Variants in PRPS2 observed in about 807,000 individuals in gnomAD.
PRPS2 encodes ribose-phosphate pyrophosphokinase 2.
For synonymous variants in PRPS2, 111 were observed against 115.3 expected (o/e 0.96, Z 0.24); for missense variants, 104 against 271.5 (o/e 0.38, Z 4.34).
rs1051535195 is a variant in PRPS2, at chrX:12,797,296, C to T, written c.123-1911C>T. Among the ~76,000 whole-genome samples, 4 of 108,814 alleles carry T rather than the reference C, an allele frequency of 3.7e-5. No individual in the cohort carries two copies. The Admixed American group carries it at 3.9e-4, about 11-fold the overall frequency. The allele number at this position is 108,814 out of a possible 115,157, so 94.5% of individuals were successfully genotyped here. ...TCACTTGAACCTGGGTGGCAGAGGTCGGAGTGAGCTGAGATGTCACCACTG... is the reference window on the plus strand; with the variant it reads ...TCACTTGAACCTGGGTGGCAGAGGTTGGAGTGAGCTGAGATGTCACCACTG... On this transcript the variant is annotated intron_variant, in intron 1 of 6. Coordinates refer to ENST00000380668, the MANE Select transcript of PRPS2 (RefSeq NM_002765.5).
At chrX:12,807,545 CTAA>C (rs1232451979) in intron 2 of PRPS2, among the ~76,000 whole-genome samples, 1 of 112,130 alleles carries the variant, frequency 8.9e-6, no homozygotes. Flanking sequence ...ATTAGTGAGG[CTAA>C]TGAGTAAGCC....
At chrX:12,809,637 T>C (rs1167691428) in intron 3 of PRPS2, among the ~76,000 whole-genome samples, 1 of 111,958 alleles carries the variant, frequency 8.9e-6, no homozygotes, top group Non-Finnish European at 1.9e-5. Flanking sequence ...TAACTTATTT[T>C]CTTTGTCTCT....
chrX:12,791,767 C>T (rs1569092831), intron 1 of PRPS2, 148 bp downstream of exon 1: 16 of 588,555 alleles, frequency 2.7e-5, no homozygotes, highest in East Asian at 1.7e-4. Flanking sequence ...GCCTCCGCGC[C>T]CCCGCGCCCG....
At chrX:12,810,234 A>C in intron 4 of PRPS2, 88 bp downstream of exon 4, 1 of 1,138,836 alleles carries the variant, frequency 8.8e-7, no homozygotes, top group African/African-American at 1.8e-5. Flanking sequence ...GCATGCTGTA[A>C]ATTACTTAAA....
chrX:12,807,585 C>T (rs1018763057), intron 2 of PRPS2, among the ~76,000 whole-genome samples: 2 of 111,436 alleles, frequency 1.8e-5, no homozygotes, highest in Non-Finnish European at 3.8e-5. Context: ...AATAGAGATT[C>T]TGTTAGTAAA....
Position 12,809,223 on chromosome X carries a change from C to A in PRPS2, c.307-11C>A, listed in dbSNP as rs777263525. On this transcript the variant is annotated splice_polypyrimidine_tract_variant and intron_variant, in intron 2 of 6. Transcript: ENST00000380668. ...CTTTTCCTGTTATAAAATTAATGTT[C>A]TTACTTGTAGAGTCGTGCCCCAATT... 3.3e-6 allele frequency: 4 copies of A among 1,201,025 alleles called. No individual in the cohort carries two copies. In the South Asian group the frequency reaches 7.2e-5, roughly 22 times the overall value.
intron 4 of PRPS2, chrX:12,810,472 T>C (rs1302846391): frequency 3.9e-6 from 1 of 255,396 alleles, no homozygotes; most frequent in Non-Finnish European, 6.9e-6. Flanking sequence ...AATTGGAAAA[T>C]AAGTCTTTTA....
At chrX:12,817,285 C>T (rs1049923293) in intron 4 of PRPS2, among the ~76,000 whole-genome samples, 8 of 110,421 alleles carry the variant, frequency 7.2e-5, no homozygotes, top group African/African-American at 2.3e-4. Context: ...AGAATTTTGT[C>T]AGAAGACAGT....
At chrX:12,817,468 T>TAAA (rs765566895) in intron 4 of PRPS2, among the ~76,000 whole-genome samples, 15,276 of 66,747 alleles carry the variant, frequency 0.23, 1,713 homozygotes, top group South Asian at 0.34. Context: ...ATGTTCCTCA[T>TAAA]AAAAAAAAAA....
intron 3 of PRPS2, 54 bp from the exon 4 acceptor site, chrX:12,809,965 CAAA>C (rs754637532): frequency 3.7e-6 from 4 of 1,091,356 alleles, no homozygotes; most frequent in Non-Finnish European, 4.8e-6. Context: ...TTTAAAAAAA[CAAA>C]AGAAAACAAA....
intron 5 of PRPS2, 133 bp downstream of exon 5, chrX:12,819,813 T>C: frequency 1.3e-6 from 1 of 782,573 alleles, no homozygotes; most frequent in Non-Finnish European, 1.8e-6. Flanking sequence ...AAGGAGATTC[T>C]AGGCCCTTTT....
rs763175426 is a variant in PRPS2, at chrX:12,797,298, G to A, written c.123-1909G>A. 7.3e-5 allele frequency among the ~76,000 whole-genome samples: 8 copies of A among 109,833 alleles called. No individual in the cohort carries two copies. In the South Asian group the frequency reaches 3.2e-3, roughly 44 times the overall value. On this transcript the variant is annotated intron_variant, in intron 1 of 6. Coordinates refer to ENST00000380668, the MANE Select transcript of PRPS2 (RefSeq NM_002765.5). ...ACTTGAACCTGGGTGGCAGAGGTCG[G>A]AGTGAGCTGAGATGTCACCACTGCC...
intron 2 of PRPS2, among the ~76,000 whole-genome samples, chrX:12,803,910 CTG>C (rs2042581563): frequency 9.0e-6 from 1 of 111,256 alleles, no homozygotes; most frequent in African/African-American, 3.3e-5. Context: ...CTATGGATAA[CTG>C]TGTTGGGAAA....
intron 5 of PRPS2, 93 bp from the exon 6 acceptor site, chrX:12,820,551 G>T (rs755723853): frequency 1.5e-4 from 139 of 940,130 alleles, no homozygotes; most frequent in Non-Finnish European, 1.9e-4. Flanking sequence ...TTTCTTTTAC[G>T]GAGCACACTT....
intron 1 of PRPS2, among the ~76,000 whole-genome samples, chrX:12,794,178 ATGGTCACAGCTGAGGC>A (rs1362317391): frequency 2.7e-5 from 3 of 112,663 alleles, no homozygotes; most frequent in Admixed American, 1.9e-4. Flanking sequence ...TTTGCCGCGT[ATGGTCACAGCTGAGGC>A]TGGTCACAGC....
Position 12,823,038 on chromosome X carries a change from T to C in PRPS2, c.*242T>C. On this transcript the variant is annotated 3_prime_UTR_variant, in exon 7 of 7. Transcript: ENST00000380668. ...GAACTGTCTTAAATGAGAAACGTTT[T>C]TGTCATTTTGACTTTTAACAGGTAC... The C allele has an allele frequency of 3.0e-6, 1 of 334,749 alleles. No homozygotes were observed. The highest frequency in any genetic ancestry group is 5.1e-6 in the Non-Finnish European group (1 of 194,324). 27.6% of individuals were successfully genotyped at this position (334,749 alleles called of 1,213,427 possible).
intron 4 of PRPS2, among the ~76,000 whole-genome samples, chrX:12,818,684 A>G (rs1305157727): frequency 8.9e-6 from 1 of 111,946 alleles, no homozygotes; most frequent in East Asian, 2.8e-4. Context: ...AATGACTGTT[A>G]TTTTAAAAAC....
At chrX:12,809,208 T>C (rs180760249) in intron 2 of PRPS2, 26 bp from the exon 3 acceptor site, 21 of 1,178,378 alleles carry the variant, frequency 1.8e-5, no homozygotes, top group Admixed American at 4.6e-5. Flanking sequence ...CTTTTCCTGT[T>C]ATAAAATTAA....
chrX:12,819,571 G>C lies in PRPS2; in HGVS notation c.595G>C (p.Ala199Pro). ...FALIHKERKK[A>P]NEVDRMVLVG... is the part of the protein sequence containing the mutation. ...TTTGATCCACAAAGAGAGGAAGAAG[G>C]CGAATGAAGTGGACCGGATGGTCCT... The change falls in exon 5 of 7, where the codon GCG (alanine) becomes CCG (proline). Residue 199 changes from alanine (A) to proline (P), a missense_variant. Physicochemically the swap from Ala to Pro is conservative, Grantham distance 27 (BLOSUM62 -1). Coordinates refer to ENST00000380668, the MANE Select transcript of PRPS2 (RefSeq NM_002765.5). The C allele has an allele frequency of 8.3e-7, 1 of 1,211,847 alleles. No individual in the cohort carries two copies. The highest frequency in any genetic ancestry group is 1.8e-5 in the South Asian group (1 of 56,909).
Sources: gnomAD v4.1 joint callset for allele counts (sites outside exome capture counted in the v4.1 genomes callset) on GRCh38, gnomAD v4.1.1 for gene constraint, MANE v1.5 for transcripts, NCBI Gene and HGNC (gene_info 2026-07-23, HGNC 2026-07-21) for gene names.